Variants in BARD1 observed in about 807,000 individuals in gnomAD.
BARD1 encodes the protein BRCA1-associated RING domain protein 1.
Under a neutral mutation model 77.0 loss-of-function variants are expected in BARD1, and 73 were observed. The ratio of observed to expected loss-of-function variants is 0.95; its 90% confidence interval spans 0.79 to 1.15. BARD1 has a LOEUF of 1.15. BARD1 is among the 50% of genes most tolerant of loss of function. The probability of loss-of-function intolerance (pLI) is 0.00; values close to 1 mark genes in which losing one functional copy is unlikely to be tolerated. For synonymous variants in BARD1, 384 were observed against 338.0 expected (o/e 1.14, Z -1.49); for missense variants, 993 against 938.8 (o/e 1.06, Z -0.75).
Position 214,727,618 on chromosome 2 carries a change from T to G in BARD1, c.*1058A>C, listed in dbSNP as rs74772705. ...GCCCACTCACTAAGGCCTTGCCTAT[T>G]TGATATTAGTAAGCCCTCCCCATAC... is the stretch of plus-strand genomic sequence containing the variant. On this transcript the variant is annotated 3_prime_UTR_variant, in exon 11 of 11. Transcript: ENST00000260947. 4.3e-6 allele frequency: 1 copy of G among 231,734 alleles called. No individual in the cohort carries two copies. Among genetic ancestry groups the G allele is most frequent in the African/African-American group, 2.2e-5 (1 of 45,206 alleles). 14.4% of individuals were successfully genotyped at this position (231,734 alleles called of 1,614,324 possible).
At chr2:214,758,467 A>T (rs1693803726) in intron 6 of BARD1, among the ~76,000 whole-genome samples, 1 of 152,186 alleles carries the variant, frequency 6.6e-6, no homozygotes, top group East Asian at 1.9e-4. Context: ...TGGAGCATTA[A>T]CCTCATATCT....
At position 214,780,993 on chromosome 2, in the gene BARD1, C is replaced by T; in HGVS notation, c.881G>A (p.Arg294Lys). ...CTTCTCAGGAGTCACTACTTCATTC[C>T]TGCTCTTAGTGTCTGGAGACTCTAT... The part of the protein sequence containing the change: ...EQIESPDTKS[R>K]NEVVTPEKVC... Residue 294 changes from arginine (R) to lysine (K), a missense_variant, in exon 4 of 11, where the codon AGG (arginine) becomes AAG (lysine). Arg to Lys is a conservative substitution (Grantham distance 26). Transcript: ENST00000260947. 6.2e-7 allele frequency: 1 copy of T among 1,613,226 alleles called. No homozygotes were observed. The highest frequency in any genetic ancestry group is 8.5e-7 in the Non-Finnish European group (1 of 1,179,522).
rs1064793959 is a variant in BARD1 at position 214,797,064 on chromosome 2, C to A, written c.212G>T (p.Cys71Phe). ...VCLGGCEHIF[C>F]SNCVSDCIGT... ...ACATCAAACCGTAATTACTTACCTACAGAAGATGTGCTCACATCCTCCTAA... is the reference window on the plus strand; with the variant it reads ...ACATCAAACCGTAATTACTTACCTAAAGAAGATGTGCTCACATCCTCCTAA... Residue 71 changes from cysteine to phenylalanine, a missense_variant, in exon 2 of 11, where the codon TGT (cysteine) becomes TTT (phenylalanine). Cys to Phe is a radical substitution (Grantham distance 205). Coordinates refer to ENST00000260947, the MANE Select transcript of BARD1 (RefSeq NM_000465.4). The A allele has an allele frequency of 1.2e-6, 2 of 1,610,812 alleles. No individual in the cohort carries two copies. Among genetic ancestry groups the A allele is most frequent in the Non-Finnish European group, 1.7e-6 (2 of 1,177,158 alleles).
intron 2 of BARD1, 78 bp from the exon 3 acceptor site, chr2:214,792,523 G>A (rs1695577512): frequency 7.5e-7 from 1 of 1,340,812 alleles, no homozygotes; most frequent in East Asian, 2.5e-5. Flanking sequence ...AGTTTGAACA[G>A]AAATAAATGG....
chr2:214,755,439 T>C (rs1381866245), intron 6 of BARD1, among the ~76,000 whole-genome samples: 1 of 152,196 alleles, frequency 6.6e-6, no homozygotes, highest in Non-Finnish European at 1.5e-5. Flanking sequence ...CTAGGTGTTT[T>C]GGAGGGACAC....
chr2:214,747,349 T>C (rs1263987997), intron 7 of BARD1, among the ~76,000 whole-genome samples: 1 of 143,712 alleles, frequency 7.0e-6, no homozygotes, highest in Non-Finnish European at 1.5e-5. Flanking sequence ...AGCCATCCCA[T>C]TACTGGGTAT....
At position 214,728,965 on chromosome 2, in the gene BARD1, G is replaced by T. The variant is rs1559372592; in HGVS notation, c.2045C>A (p.Thr682Asn). 2 of 1,614,114 alleles carry T rather than the reference G, an allele frequency of 1.2e-6. No individual in the cohort carries two copies. Among genetic ancestry groups the T allele is most frequent in the African/African-American group, 1.3e-5 (1 of 75,018 alleles). Residue 682 changes from threonine to asparagine, a missense_variant, in exon 11 of 11, where the codon ACC becomes AAC. Physicochemically the swap from Thr to Asn is moderately conservative, Grantham distance 65. Transcript: ENST00000260947. ...GTTGTCCTTTGGATGGTGTTTGAAG[G>T]TTCCCCACAAATAGAAGTAGCATCC... ...FDGCYFYLWG[T>N]FKHHPKDNLI... is the part of the protein sequence containing the mutation.
chr2:214,734,484 AAATT>A (rs1692485240), intron 9 of BARD1, among the ~76,000 whole-genome samples: 2 of 152,268 alleles, frequency 1.3e-5, no homozygotes, highest in East Asian at 1.9e-4. Context: ...CTCTTCTTAT[AAATT>A]AATAGAGAAC....
rs967233500 is a variant in BARD1 at position 214,727,135 on chromosome 2, T to G, written c.*1541A>C. On this transcript the variant is annotated 3_prime_UTR_variant, in exon 11 of 11. Coordinates refer to ENST00000260947, the MANE Select transcript of BARD1 (RefSeq NM_000465.4). ...CAAATGCATTACTGGTTGTAGAGAG[T>G]GTTTCAGAGCTAATTCACCCAGCAA... is the stretch of plus-strand genomic sequence containing the variant. 2 of 217,186 alleles carry G rather than the reference T, an allele frequency of 9.2e-6. No homozygotes were observed. The highest frequency in any genetic ancestry group is 1.2e-4 in the Admixed American group (2 of 17,220). 13.5% of individuals were successfully genotyped at this position (217,186 alleles called of 1,614,324 possible). A position where few individuals can be genotyped will look rare whatever the true frequency, so the allele number is the denominator to read the frequency against.
intron 2 of BARD1, among the ~76,000 whole-genome samples, chr2:214,795,933 C>G (rs901032311): frequency 4.6e-5 from 7 of 152,206 alleles, no homozygotes; most frequent in African/African-American, 1.7e-4. Context: ...CTGGATATCC[C>G]TCGTATAACA....
At chr2:214,785,978 T>C (rs1695256721) in intron 3 of BARD1, among the ~76,000 whole-genome samples, 1 of 151,886 alleles carries the variant, frequency 6.6e-6, no homozygotes, top group South Asian at 2.1e-4. Flanking sequence ...CCAAATTTTG[T>C]TTTCCTCCTT....
chr2:214,798,229 AC>A (rs995872307), intron 1 of BARD1, among the ~76,000 whole-genome samples: 11 of 147,972 alleles, frequency 7.4e-5, no homozygotes, highest in Admixed American at 7.3e-4. Flanking sequence ...AACAGTACAC[AC>A]CCACAATGTT....
chr2:214,756,432 G>A (rs1172593371), intron 6 of BARD1, among the ~76,000 whole-genome samples: 1 of 152,176 alleles, frequency 6.6e-6, no homozygotes. Flanking sequence ...ATTCCTTAAA[G>A]AACTAAAAGT....
intron 6 of BARD1, among the ~76,000 whole-genome samples, chr2:214,752,834 AATCACCAAT>A (rs1427725828): frequency 6.6e-6 from 1 of 152,146 alleles, no homozygotes; most frequent in East Asian, 1.9e-4. Flanking sequence ...ATGGCTTCAT[AATCACCAAT>A]CACTATAAGT....
Position 214,761,071 on chromosome 2 carries a change from TA to T in BARD1, c.1568+6410del, listed in dbSNP as rs11437639. Among the ~76,000 whole-genome samples the T allele has an allele frequency of 8.3e-3, 1,210 of 146,038 alleles. 16 individuals carry two copies. Among genetic ancestry groups the T allele is most frequent in the African/African-American group, 0.028 (1,112 of 39,552 alleles). Reference sequence around the variant, plus strand: ...CTTTTTAAGGATGAACTTGATGGGATAAAAAAAAAAAGTCCATTTTCTCTTT... The same window carrying T: ...CTTTTTAAGGATGAACTTGATGGGATAAAAAAAAAAGTCCATTTTCTCTTT... On this transcript the variant is annotated intron_variant, in intron 6 of 10. Coordinates refer to ENST00000260947, the MANE Select transcript of BARD1 (RefSeq NM_000465.4).
intron 9 of BARD1, among the ~76,000 whole-genome samples, chr2:214,739,506 A>T (rs1346495108): frequency 6.6e-6 from 1 of 152,170 alleles, no homozygotes; most frequent in Non-Finnish European, 1.5e-5. Context: ...CTATAACAGC[A>T]CTAAACTTTA....
chr2:214,764,285 G>T (rs570269490), intron 6 of BARD1, among the ~76,000 whole-genome samples: 1 of 152,136 alleles, frequency 6.6e-6, no homozygotes, highest in South Asian at 2.1e-4. Flanking sequence ...GAACTAGGGA[G>T]GGCAGACATG....
At chr2:214,746,282 C>T (rs1040089032) in intron 7 of BARD1, among the ~76,000 whole-genome samples, 2 of 152,042 alleles carry the variant, frequency 1.3e-5, no homozygotes, top group African/African-American at 4.8e-5. Flanking sequence ...TCAAAGAATG[C>T]CAAGGCTTCT....
intron 3 of BARD1, among the ~76,000 whole-genome samples, chr2:214,783,583 T>C (rs1695138555): frequency 6.6e-6 from 1 of 151,154 alleles, no homozygotes; most frequent in South Asian, 2.1e-4. Flanking sequence ...GCAAGGGGAG[T>C]GAGAGCATTA....
Sources: gnomAD v4.1 joint callset for allele counts (sites outside exome capture counted in the v4.1 genomes callset) on GRCh38, gnomAD v4.1.1 for gene constraint, MANE v1.5 for transcripts, NCBI Gene and HGNC (gene_info 2026-07-23, HGNC 2026-07-21) for gene names.